The following ST7 variants were observed in gnomAD, a reference collection of about 807,000 sequenced individuals.
The protein encoded by ST7 is suppression of tumorigenicity 7, also known as suppressor of tumorigenicity 7 protein.
ST7 carries 28 observed loss-of-function variants against 78.7 expected under a neutral mutation model. The observed-to-expected ratio is 0.36, with a 90% CI of 0.26 to 0.49. The LOEUF (loss-of-function observed/expected upper bound fraction) is 0.49, where lower values mean the gene tolerates loss of function less well. ST7 is among the 20% of genes least tolerant of loss of function. The probability of loss-of-function intolerance (pLI) is 0.99; values close to 1 mark genes in which losing one functional copy is unlikely to be tolerated. For synonymous variants in ST7, 247 were observed against 249.6 expected (o/e 0.99, Z 0.10); for missense variants, 418 against 696.0 (o/e 0.60, Z 4.49).
chr7:116,978,325 C>A (rs2116310100), intron 1 of ST7, among the ~76,000 whole-genome samples: 1 of 152,266 alleles, frequency 6.6e-6, no homozygotes, highest in African/African-American at 2.4e-5. Flanking sequence ...CACCAGCTTC[C>A]ACAGGATTTG....
chr7:117,211,921 G>A (rs193589), intron 13 of ST7, among the ~76,000 whole-genome samples: 88,065 of 151,880 alleles, frequency 0.58, 27,558 homozygotes, highest in East Asian at 0.89. Flanking sequence ...TAAAAAGAGG[G>A]GGTGGGTTTT....
intron 1 of ST7, among the ~76,000 whole-genome samples, chr7:117,065,266 T>TG (rs1253581357): frequency 2.1e-5 from 3 of 145,572 alleles, no homozygotes; most frequent in Non-Finnish European, 3.0e-5. Context: ...TGGAGTGCAG[T>TG]GGCACGATCT....
At chr7:117,099,932 A>G (rs1801441732) in intron 2 of ST7, 88 bp downstream of exon 2, 1 of 1,002,448 alleles carries the variant, frequency 1.0e-6, no homozygotes, top group Non-Finnish European at 1.5e-6. Flanking sequence ...CTGGAAGAAT[A>G]TACACTAACA....
intron 1 of ST7, among the ~76,000 whole-genome samples, chr7:117,038,013 G>A (rs1358655735): frequency 6.6e-6 from 1 of 152,142 alleles, no homozygotes; most frequent in Non-Finnish European, 1.5e-5. Flanking sequence ...AAATCTGATG[G>A]TAGATGTTTG....
chr7:117,222,382 T>G (rs576459221), intron 15 of ST7, among the ~76,000 whole-genome samples: 8 of 152,244 alleles, frequency 5.3e-5, no homozygotes, highest in Non-Finnish European at 1.0e-4. Flanking sequence ...CTCGGTTTTC[T>G]GTAAATTGAA....
At chr7:117,041,854 A>G (rs370327142) in intron 1 of ST7, among the ~76,000 whole-genome samples, 4 of 152,196 alleles carry the variant, frequency 2.6e-5, no homozygotes, top group Non-Finnish European at 5.9e-5. Flanking sequence ...TAAGGTTGAT[A>G]ATAGACTGAT....
At chr7:117,116,344 G>C (rs1490959390) in intron 2 of ST7, among the ~76,000 whole-genome samples, 1 of 152,138 alleles carries the variant, frequency 6.6e-6, no homozygotes, top group Non-Finnish European at 1.5e-5. Flanking sequence ...ATTTGTTTAT[G>C]AGAGCTTTGC....
intron 1 of ST7, among the ~76,000 whole-genome samples, chr7:117,004,653 C>T (rs983623022): frequency 1.3e-5 from 2 of 151,760 alleles, no homozygotes; most frequent in African/African-American, 2.4e-5. Flanking sequence ...AGAGCAACAC[C>T]CTGTCTCAAA....
Position 117,219,521 on chromosome 7 carries a change from A to G in ST7, c.1498+345A>G, listed in dbSNP as rs1037646128. On this transcript the variant is annotated intron_variant, in intron 14 of 15. Coordinates refer to ENST00000323984, the MANE Select transcript of ST7 (RefSeq NM_001369598.1). This position sits in a 1 kb window ranked among gnomAD's most constrained non-coding sequence, Gnocchi z 5.1. ...TTCTGCCTGGGCTCTTCAGCTGGAC[A>G]GATGTGGTCTGCACCGACCGGAGTT... is the stretch of plus-strand genomic sequence containing the variant. 2.0e-5 allele frequency among the ~76,000 whole-genome samples: 3 copies of G among 152,338 alleles called. No individual in the cohort carries two copies. Among genetic ancestry groups the G allele is most frequent in the Admixed American group, 6.5e-5 (1 of 15,312 alleles).
chr7:117,119,496 G>T, intron 2 of ST7, 65 bp from the exon 3 acceptor site: 1 of 1,417,526 alleles, frequency 7.1e-7, no homozygotes, highest in South Asian at 1.5e-5. Context: ...CATGTTTTAT[G>T]GGCATGTGTA....
intron 1 of ST7, chr7:116,972,418 T>C: frequency 1.4e-6 from 1 of 706,156 alleles, no homozygotes; most frequent in South Asian, 1.7e-5. Context: ...CAGATTCTGG[T>C]CCATCAGTCT....
At chr7:117,004,836 C>T (rs1222736574) in intron 1 of ST7, among the ~76,000 whole-genome samples, 2 of 152,022 alleles carry the variant, frequency 1.3e-5, no homozygotes, top group Admixed American at 1.3e-4. Flanking sequence ...ACTTATCTTC[C>T]ATGGAATATT....
At chr7:117,183,436 A>T (rs888810105) in intron 10 of ST7, among the ~76,000 whole-genome samples, 70 of 151,760 alleles carry the variant, frequency 4.6e-4, no homozygotes, top group African/African-American at 1.6e-3. Context: ...AAAAAAAAAA[A>T]TTATATATAT....
At chr7:117,059,946 C>G (rs1798265759) in intron 1 of ST7, among the ~76,000 whole-genome samples, 1 of 151,942 alleles carries the variant, frequency 6.6e-6, no homozygotes, top group South Asian at 2.1e-4. Context: ...TCGCACTACC[C>G]CACTTCACCC....
rs34132237 is a variant in ST7 at position 116,958,162 on chromosome 7, AT to A, written c.151+4495del. On this transcript the variant is annotated intron_variant, in intron 1 of 15. Transcript: ENST00000323984. ...AGGTGCACACCACAGTGCGTGGCTA[AT>A]TTTTTTTTTTTTTTTTTTTTTTTGT... 7.2e-3 allele frequency among the ~76,000 whole-genome samples: 688 copies of A among 95,632 alleles called. 6 individuals carry two copies. Among genetic ancestry groups the A allele is most frequent in the African/African-American group, 0.028 (654 of 23,686 alleles). 62.7% of individuals were successfully genotyped at this position (95,632 alleles called of 152,430 possible).
intron 9 of ST7, among the ~76,000 whole-genome samples, chr7:117,161,079 T>C (rs940381958): frequency 2.0e-5 from 3 of 151,288 alleles, no homozygotes; most frequent in African/African-American, 7.4e-5. Context: ...ATCTAAATAT[T>C]GTTCAATCAA....
intron 1 of ST7, among the ~76,000 whole-genome samples, chr7:117,077,331 T>TG (rs1799424981): frequency 6.6e-6 from 1 of 152,180 alleles, no homozygotes; most frequent in Non-Finnish European, 1.5e-5. Flanking sequence ...GTTTTTCAGC[T>TG]GGAGGGTGGG....
At position 117,229,934 on chromosome 7, in the gene ST7, A is replaced by G; in HGVS notation, c.*77A>G. ...GTGCCAACTCCTTGTGGACCGCAAG[A>G]AAGCATGACTTTGAAAAAGGGAAGC... is the stretch of plus-strand genomic sequence containing the variant. On this transcript the variant is annotated 3_prime_UTR_variant, in exon 16 of 16. Coordinates refer to ENST00000323984, the MANE Select transcript of ST7 (RefSeq NM_001369598.1). The G allele has an allele frequency of 1.6e-6, 2 of 1,237,180 alleles. No homozygotes were observed. The highest frequency in any genetic ancestry group is 1.2e-6 in the Non-Finnish European group (1 of 835,826). The allele number at this position is 1,237,180 out of a possible 1,614,324, so 76.6% of individuals were successfully genotyped here. A position where few individuals can be genotyped will look rare whatever the true frequency, so the allele number is the denominator to read the frequency against.
chr7:116,995,667 A>G (rs184890357), intron 1 of ST7, among the ~76,000 whole-genome samples: 13 of 152,182 alleles, frequency 8.5e-5, no homozygotes, highest in Non-Finnish European at 1.9e-4. Flanking sequence ...AGCTCCTGAT[A>G]TGGATCATAA....
Sources: gnomAD v4.1 joint callset for allele counts (sites outside exome capture counted in the v4.1 genomes callset) on GRCh38, gnomAD v4.1.1 for gene constraint, Gnocchi (gnomAD v3.1) non-coding constraint, MANE v1.5 for transcripts, NCBI Gene and HGNC (gene_info 2026-07-23, HGNC 2026-07-21) for gene names.